PPCDC: variants seen among roughly 807,000 people sequenced by gnomAD.
PPCDC encodes the protein phosphopantothenoylcysteine decarboxylase.
Under a neutral mutation model 20.7 loss-of-function variants are expected in PPCDC, and 20 were observed. The ratio of observed to expected loss-of-function variants is 0.97; its 90% CI spans 0.68 to 1.41. PPCDC has a LOEUF of 1.41. Ranked by LOEUF, PPCDC falls within the 40% of genes most tolerant of loss-of-function variation. The pLI, the probability that PPCDC is intolerant of heterozygous loss-of-function variation, is 0.00. For synonymous variants in PPCDC, 88 were observed against 100.3 expected (o/e 0.88, Z 0.73); for missense variants, 246 against 263.8 (o/e 0.93, Z 0.47).
intron 2 of PPCDC, among the ~76,000 whole-genome samples, chr15:75,029,309 T>C (rs1348233260): frequency 2.0e-5 from 3 of 152,180 alleles, no homozygotes; most frequent in Non-Finnish European, 4.4e-5. Context: ...TTATTTGACA[T>C]AGAACTATAG....
intron 4 of PPCDC, among the ~76,000 whole-genome samples, chr15:75,047,596 G>T (rs73438547): frequency 2.0e-5 from 3 of 152,240 alleles, no homozygotes; most frequent in Non-Finnish European, 4.4e-5. Flanking sequence ...CCAGCCCAGG[G>T]AGCCTGTGCC....
intron 2 of PPCDC, among the ~76,000 whole-genome samples, chr15:75,042,208 CTT>C (rs1295291793): frequency 6.6e-6 from 1 of 152,198 alleles, no homozygotes; most frequent in Non-Finnish European, 1.5e-5. Flanking sequence ...TCACCCTTGA[CTT>C]TTCTTTCTTC....
At position 75,028,600 on chromosome 15, in the gene PPCDC, C is replaced by A. The variant is rs1595897603; in HGVS notation, c.135+147C>A. The stretch of plus-strand genomic sequence containing the variant: ...GTGGAGGTCCTGTGTGTGTGGTGCT[C>A]TGTGGAGGATTCAGGAGACAGAGAC... On this transcript the variant is annotated intron_variant, in intron 2 of 5. Coordinates refer to ENST00000342932, the MANE Select transcript of PPCDC (RefSeq NM_021823.5). 3.3e-6 allele frequency: 4 copies of A among 1,204,720 alleles called. No individual in the cohort carries two copies. The African/African-American group carries it at 4.6e-5, about 14-fold the overall frequency. 74.6% of individuals were successfully genotyped at this position (1,204,720 alleles called of 1,614,324 possible). A position where few individuals can be genotyped will look rare whatever the true frequency, so the allele number is the denominator to read the frequency against.
chr15:75,045,704 G>T (rs2066223571), intron 4 of PPCDC, among the ~76,000 whole-genome samples: 1 of 152,078 alleles, frequency 6.6e-6, no homozygotes, highest in Non-Finnish European at 1.5e-5. Flanking sequence ...AGGAGCAGGG[G>T]TAGGGAGTGC....
chr15:75,039,872 C>T (rs1270199669), intron 2 of PPCDC, among the ~76,000 whole-genome samples: 18 of 151,528 alleles, frequency 1.2e-4, no homozygotes, highest in African/African-American at 3.4e-4. Context: ...GCAACCTCCA[C>T]CTCCCAGGTT....
rs76534107 is a variant in PPCDC, at chr15:75,027,387, C to T, written c.-72-860C>T. ...TATCATGAGTGCACACTTCTAGCAACGTCTGAGAGCCAGAGGAAGAAGCAA... is the reference window on the plus strand; with the variant it reads ...TATCATGAGTGCACACTTCTAGCAATGTCTGAGAGCCAGAGGAAGAAGCAA... On this transcript the variant is annotated intron_variant, in intron 1 of 5. Coordinates refer to ENST00000342932, the MANE Select transcript of PPCDC (RefSeq NM_021823.5). Among the ~76,000 whole-genome samples the T allele has an allele frequency of 2.7e-3, 411 of 152,248 alleles. 1 individual carries two copies. The highest frequency in any genetic ancestry group is 6.3e-3 in the Admixed American group (97 of 15,298).
At chr15:75,032,731 C>G (rs1008420580) in intron 2 of PPCDC, among the ~76,000 whole-genome samples, 6 of 130,410 alleles carry the variant, frequency 4.6e-5, no homozygotes, top group African/African-American at 1.8e-4. Context: ...TGGACCCCCC[C>G]CCCCAAGGCC....
intron 1 of PPCDC, among the ~76,000 whole-genome samples, 192 bp downstream of exon 1, chr15:75,023,818 C>T (rs1163597684): frequency 1.3e-5 from 2 of 152,158 alleles, no homozygotes; most frequent in East Asian, 1.9e-4. Flanking sequence ...CTCACTTTCC[C>T]GGCTGTACGG....
In PPCDC at chr15:75,028,258, C is replaced by G. The variant is rs547795550; in HGVS notation, c.-61C>G. ...TGTTCTCCTTTTAGATCCTAAATCC[C>G]GACAGCTTTATAGAGCCCAGGCCTG... is the stretch of plus-strand genomic sequence containing the variant. On this transcript the variant is annotated 5_prime_UTR_variant, in exon 2 of 6. Transcript: ENST00000342932. The G allele has an allele frequency of 1.3e-6, 2 of 1,579,696 alleles. No individual in the cohort carries two copies. Among genetic ancestry groups the G allele is most frequent in the East Asian group, 4.5e-5 (2 of 44,624 alleles).
At chr15:75,027,392 G>C (rs1227771352) in intron 1 of PPCDC, among the ~76,000 whole-genome samples, 1 of 152,160 alleles carries the variant, frequency 6.6e-6, no homozygotes, top group Non-Finnish European at 1.5e-5. Context: ...AGCAACGTCT[G>C]AGAGCCAGAG....
intron 2 of PPCDC, among the ~76,000 whole-genome samples, chr15:75,039,725 C>T (rs1272897506): frequency 3.3e-5 from 5 of 152,212 alleles, no homozygotes; most frequent in African/African-American, 9.6e-5. Flanking sequence ...CGCATTGGCA[C>T]GTCTTAACTG....
intron 2 of PPCDC, among the ~76,000 whole-genome samples, chr15:75,038,976 C>T (rs1381148746): frequency 6.6e-6 from 1 of 151,936 alleles, no homozygotes; most frequent in African/African-American, 2.4e-5. Context: ...CTTGAATACT[C>T]ATTTTAAAAA....
intron 1 of PPCDC, 41 bp from the exon 2 acceptor site, chr15:75,028,206 G>A (rs948754704): frequency 2.0e-5 from 28 of 1,406,546 alleles, no homozygotes; most frequent in East Asian, 4.7e-5. Context: ...CATTCTGGTC[G>A]ACTGTATGAA....
At chr15:75,046,840 T>A (rs1198220604) in intron 4 of PPCDC, among the ~76,000 whole-genome samples, 1 of 152,264 alleles carries the variant, frequency 6.6e-6, no homozygotes, top group Admixed American at 6.5e-5. Context: ...CTCTGTCCTC[T>A]AGCCCACTAA....
intron 2 of PPCDC, among the ~76,000 whole-genome samples, chr15:75,031,685 C>T (rs925358797): frequency 1.3e-5 from 2 of 152,114 alleles, no homozygotes; most frequent in African/African-American, 4.8e-5. Context: ...GTCTGGGTAA[C>T]AGAGCAAGAC....
chr15:75,040,024 T>A (rs2066134288), intron 2 of PPCDC, among the ~76,000 whole-genome samples: 1 of 152,224 alleles, frequency 6.6e-6, no homozygotes. Context: ...CCTCAGGTGA[T>A]CTGCCCACCT....
At chr15:75,038,350 G>T (rs1369241569) in intron 2 of PPCDC, among the ~76,000 whole-genome samples, 2 of 152,176 alleles carry the variant, frequency 1.3e-5, no homozygotes, top group Non-Finnish European at 1.5e-5. Flanking sequence ...TGGTGGTGCT[G>T]GCTGAGAGGA....
intron 4 of PPCDC, 88 bp from the exon 5 acceptor site, chr15:75,048,465 C>T (rs1474001448): frequency 1.3e-6 from 2 of 1,527,516 alleles, no homozygotes; most frequent in Non-Finnish European, 1.8e-6. Context: ...AAGCCTACAG[C>T]TGGGCTGCTG....
intron 2 of PPCDC, among the ~76,000 whole-genome samples, chr15:75,038,418 A>G (rs557382601): frequency 1.3e-5 from 2 of 152,108 alleles, no homozygotes; most frequent in Non-Finnish European, 2.9e-5. Context: ...CAGCAGACCA[A>G]CTCTGGTGAG....
Sources: allele counts gnomAD v4.1 joint callset (sites outside exome capture counted in the v4.1 genomes callset), GRCh38; gene constraint gnomAD v4.1.1; transcripts MANE v1.5; gene names NCBI Gene and HGNC (gene_info 2026-07-23, HGNC 2026-07-21).